Variants in NRXN1 observed in about 807,000 individuals in gnomAD.
NRXN1 encodes neurexin-1.
NRXN1 carries 39 observed loss-of-function variants against 150.9 expected under a neutral mutation model. The ratio of observed to expected loss-of-function variants is 0.26; its 90% CI spans 0.20 to 0.34. The LOEUF (loss-of-function observed/expected upper bound fraction) is 0.34, where lower values mean the gene tolerates loss of function less well. Among genes scored for constraint, NRXN1 ranks in the 10% least tolerant of loss-of-function variants. The pLI, the probability that NRXN1 is intolerant of heterozygous loss-of-function variation, is 1.00. For missense variants in NRXN1, 1,815 were observed against 1,949.9 expected (o/e 0.93, Z 1.30); for synonymous variants, 924 against 757.0 (o/e 1.22, Z -3.62).
At chr2:50,424,362 G>T (rs1472999462) in intron 17 of NRXN1, among the ~76,000 whole-genome samples, 1 of 140,798 alleles carries the variant, frequency 7.1e-6, no homozygotes, top group Non-Finnish European at 1.5e-5. Context: ...AATTTTGGGA[G>T]AGAAACAAGA....
chr2:50,294,173 A>C (rs2073282287), intron 17 of NRXN1, among the ~76,000 whole-genome samples: 1 of 152,206 alleles, frequency 6.6e-6, no homozygotes, highest in South Asian at 2.1e-4. Context: ...GGATGTGTCA[A>C]TTTATGGAGT....
At chr2:50,671,488 TAA>T (rs767692603) in intron 5 of NRXN1, among the ~76,000 whole-genome samples, 2 of 151,672 alleles carry the variant, frequency 1.3e-5, no homozygotes, top group East Asian at 1.9e-4. Flanking sequence ...CTGATAATTA[TAA>T]GTGATACATA....
intron 17 of NRXN1, among the ~76,000 whole-genome samples, chr2:50,264,267 C>T (rs114841869): frequency 6.6e-6 from 1 of 151,934 alleles, no homozygotes; most frequent in Admixed American, 6.6e-5. Flanking sequence ...AAATCAGTCA[C>T]AATTGAACGC....
At chr2:50,768,734 G>C (rs1437087455) in intron 5 of NRXN1, among the ~76,000 whole-genome samples, 1 of 151,896 alleles carries the variant, frequency 6.6e-6, no homozygotes, top group African/African-American at 2.4e-5. Context: ...GGTTGCAGCT[G>C]GGTCACCGAA....
At chr2:50,426,694 C>T (rs955539114) in intron 17 of NRXN1, among the ~76,000 whole-genome samples, 6 of 152,038 alleles carry the variant, frequency 3.9e-5, no homozygotes, top group Non-Finnish European at 5.9e-5. Context: ...TTGTTGCATT[C>T]GGCCCGGAAA....
intron 18 of NRXN1, among the ~76,000 whole-genome samples, chr2:50,101,442 C>T (rs1197868632): frequency 6.6e-6 from 1 of 151,980 alleles, no homozygotes. Context: ...ATCCCAGGAT[C>T]ATCATTTTCC....
chr2:50,905,273 C>T lies in NRXN1; in HGVS notation c.832+16596G>A, dbSNP rs191102132. On this transcript the variant is annotated intron_variant, in intron 5 of 22. Transcript: ENST00000401669. ...ACTCTGATAATGGCAGCATCCATCC[C>T]CAACCCTCTGACACACACTGTGTGT... 1.4e-3 allele frequency among the ~76,000 whole-genome samples: 220 copies of T among 152,190 alleles called. 2 individuals are homozygous for T. Among genetic ancestry groups the T allele is most frequent in the African/African-American group, 5.1e-3 (210 of 41,550 alleles).
At chr2:50,113,776 A>T (rs1702677639) in intron 18 of NRXN1, among the ~76,000 whole-genome samples, 1 of 152,208 alleles carries the variant, frequency 6.6e-6, no homozygotes, top group East Asian at 1.9e-4. Flanking sequence ...CATCACTTAG[A>T]TGAGATCTTG....
At chr2:50,693,137 A>G (rs983511681) in intron 5 of NRXN1, among the ~76,000 whole-genome samples, 1 of 152,166 alleles carries the variant, frequency 6.6e-6, no homozygotes, top group Non-Finnish European at 1.5e-5. Flanking sequence ...TGATAGGCCA[A>G]GGTTTTTCGT....
intron 21 of NRXN1, chr2:49,973,788 T>G: frequency 1.7e-6 from 1 of 574,796 alleles, no homozygotes; most frequent in South Asian, 2.3e-5. Context: ...ACATACAGCG[T>G]GCATAAATTT....
intron 10 of NRXN1, among the ~76,000 whole-genome samples, chr2:50,535,830 AT>A (rs759544495): frequency 3.9e-5 from 6 of 152,158 alleles, no homozygotes; most frequent in Non-Finnish European, 5.9e-5. Flanking sequence ...TAATTTTTCC[AT>A]GTTGAACTTT....
chr2:50,070,769 CAAAAAAAAAA>C (rs546500232), intron 19 of NRXN1, among the ~76,000 whole-genome samples: 3 of 94,122 alleles, frequency 3.2e-5, no homozygotes, highest in Non-Finnish European at 6.2e-5. Context: ...GACTCCGTCT[CAAAAAAAAAA>C]AAAAAAAAAA....
chr2:50,357,313 TA>T (rs1304309807), intron 17 of NRXN1, among the ~76,000 whole-genome samples: 32 of 151,780 alleles, frequency 2.1e-4, no homozygotes, highest in Non-Finnish European at 4.6e-4. Flanking sequence ...TTTTTTTTTT[TA>T]TTTATTATTT....
At chr2:50,213,909 A>C (rs149136695) in intron 18 of NRXN1, among the ~76,000 whole-genome samples, 1 of 151,940 alleles carries the variant, frequency 6.6e-6, no homozygotes, top group Admixed American at 6.6e-5. Context: ...CACCACATCC[A>C]TCTTTCTAAA....
chr2:51,023,741 G>A (rs1669989987), intron 2 of NRXN1, among the ~76,000 whole-genome samples: 1 of 152,070 alleles, frequency 6.6e-6, no homozygotes, highest in African/African-American at 2.4e-5. Context: ...AAAACAATCA[G>A]TACTTGCTGA....
chr2:50,459,676 T>A (rs904032960), intron 17 of NRXN1, among the ~76,000 whole-genome samples: 1 of 152,166 alleles, frequency 6.6e-6, no homozygotes, highest in Non-Finnish European at 1.5e-5. Flanking sequence ...TATTCTATGG[T>A]GTATATGTAC....
At chr2:50,890,223 G>A (rs188857351) in intron 5 of NRXN1, among the ~76,000 whole-genome samples, 31 of 151,904 alleles carry the variant, frequency 2.0e-4, no homozygotes, top group South Asian at 1.2e-3. Context: ...GTGTCATCCA[G>A]CAGTGTCATT....
At chr2:50,513,377 T>C (rs1039574219) in intron 12 of NRXN1, among the ~76,000 whole-genome samples, 12 of 152,130 alleles carry the variant, frequency 7.9e-5, no homozygotes, top group Non-Finnish European at 1.8e-4. Flanking sequence ...CACACTGCAG[T>C]CTAGTTTTTT....
chr2:50,590,460 T>G (rs10198091), intron 8 of NRXN1, among the ~76,000 whole-genome samples: 112,972 of 151,608 alleles, frequency 0.75, 42,410 homozygotes, highest in South Asian at 0.87. Flanking sequence ...TTAATACCTT[T>G]ATATACCTAA....
Sources: allele counts gnomAD v4.1 joint callset (sites outside exome capture counted in the v4.1 genomes callset), GRCh38; gene constraint gnomAD v4.1.1; transcripts MANE v1.5; gene names NCBI Gene and HGNC (gene_info 2026-07-23, HGNC 2026-07-21).